Variants in CCDC57 observed in about 807,000 individuals in gnomAD.
CCDC57 encodes the protein coiled-coil domain-containing protein 57.
In CCDC57, 118 loss-of-function variants were observed where a neutral mutation model predicts 118.9. The ratio of observed to expected loss-of-function variants is 0.99; its 90% confidence interval spans 0.86 to 1.16. CCDC57 has a LOEUF of 1.16. Ranked by LOEUF, CCDC57 falls within the 50% of genes most tolerant of loss-of-function variation. The pLI is 0.00. For missense variants in CCDC57, 1,300 were observed against 1,320.7 expected (o/e 0.98, Z 0.24); for synonymous variants, 527 against 532.9 (o/e 0.99, Z 0.15).
Position 82,109,814 on chromosome 17 carries a change from G to A in CCDC57, c.2900-7948C>T, listed in dbSNP as rs1025758291. ...GGAGCTTGCAGTGAGCTGAGATCGC[G>A]CCACCGCACTCCAGCCTGGGCGACA... On this transcript the variant is annotated intron_variant, in intron 19 of 19. Transcript: ENST00000665763. Among the ~76,000 whole-genome samples the A allele has an allele frequency of 2.6e-5, 4 of 151,358 alleles. No homozygotes were observed. The South Asian group carries it at 6.3e-4, about 24-fold the overall frequency.
intron 11 of CCDC57, among the ~76,000 whole-genome samples, chr17:82,177,861 A>T (rs549013086): frequency 6.6e-6 from 1 of 152,286 alleles, no homozygotes; most frequent in Non-Finnish European, 1.5e-5. Flanking sequence ...GCCCACAGAA[A>T]AAAGCCAACT....
At chr17:82,198,490 G>T in intron 3 of CCDC57, 68 bp from the exon 3 acceptor site, 1 of 1,107,218 alleles carries the variant, frequency 9.0e-7, no homozygotes, top group Non-Finnish European at 1.3e-6. Context: ...CATTTTCAAG[G>T]TGCACTTGAC....
At chr17:82,121,188 C>G (rs2036630412) in intron 19 of CCDC57, among the ~76,000 whole-genome samples, 1 of 152,072 alleles carries the variant, frequency 6.6e-6, no homozygotes, top group African/African-American at 2.4e-5. Flanking sequence ...GAGTTCTAGC[C>G]CAGTCTGTGC....
At chr17:82,209,433 A>G (rs999943500) in intron 1 of CCDC57, among the ~76,000 whole-genome samples, 1 of 152,198 alleles carries the variant, frequency 6.6e-6, no homozygotes, top group African/African-American at 2.4e-5. Context: ...AAACAGGTGA[A>G]CCTAACTTGA....
intron 19 of CCDC57, chr17:82,106,121 AG>A (rs2034828490): frequency 2.0e-5 from 3 of 152,446 alleles, no homozygotes; most frequent in Admixed American, 1.3e-4. Context: ...TGTCTGCTAC[AG>A]CCTGTCAGTG....
chr17:82,169,689 C>T (rs1042906989), intron 13 of CCDC57, among the ~76,000 whole-genome samples: 2 of 152,118 alleles, frequency 1.3e-5, no homozygotes, highest in Admixed American at 6.5e-5. Context: ...ATTGGTTACA[C>T]CAAGAGGACT....
chr17:82,103,414 A>C (rs928203652), intron 19 of CCDC57, among the ~76,000 whole-genome samples: 3 of 152,110 alleles, frequency 2.0e-5, no homozygotes, highest in South Asian at 2.1e-4. Flanking sequence ...ACCACCCTTT[A>C]TCTCTCAACA....
chr17:82,189,758 CAGG>C (rs1322585513), intron 7 of CCDC57, among the ~76,000 whole-genome samples: 10 of 152,282 alleles, frequency 6.6e-5, no homozygotes, highest in African/African-American at 2.2e-4. Flanking sequence ...GAGGCTGAGG[CAGG>C]AGAATTGCTC....
chr17:82,162,258 G>A (rs975933297), intron 14 of CCDC57, among the ~76,000 whole-genome samples: 7 of 152,040 alleles, frequency 4.6e-5, no homozygotes, highest in Non-Finnish European at 7.4e-5. Context: ...CGCCCACCTC[G>A]GCCTCCCAAA....
intron 14 of CCDC57, among the ~76,000 whole-genome samples, chr17:82,159,254 C>CCG (rs2043031001): frequency 6.6e-6 from 1 of 152,260 alleles, no homozygotes; most frequent in East Asian, 1.9e-4. Context: ...CTGCCTCAGA[C>CCG]TCCCAAAGTG....
chr17:82,185,618 CA>C (rs796316787), intron 8 of CCDC57, among the ~76,000 whole-genome samples: 151 of 136,772 alleles, frequency 1.1e-3, no homozygotes, highest in Admixed American at 1.2e-3. Flanking sequence ...GACCTTGTCA[CA>C]AAAAAAAAAA....
chr17:82,183,538 C>T (rs997109138), intron 9 of CCDC57, among the ~76,000 whole-genome samples: 3 of 152,118 alleles, frequency 2.0e-5, no homozygotes, highest in East Asian at 1.9e-4. Context: ...GCTCTTATTA[C>T]AGACTGAGAA....
chr17:82,201,967 A>T lies in CCDC57; in HGVS notation c.-8-15T>A, dbSNP rs143081099. ...CATGGTGGCCGCTGCAGTAAAGAGAAATCAGGTTCAGGGTGCACCGTGAGG... is the reference window on the plus strand; with the variant it reads ...CATGGTGGCCGCTGCAGTAAAGAGATATCAGGTTCAGGGTGCACCGTGAGG... On this transcript the variant is annotated splice_polypyrimidine_tract_variant and intron_variant, in intron 2 of 19. Transcript: ENST00000665763. 2.6e-6 allele frequency: 4 copies of T among 1,566,790 alleles called. No homozygotes were observed. Among genetic ancestry groups the T allele is most frequent in the Non-Finnish European group, 3.5e-6 (4 of 1,156,250 alleles).
intron 1 of CCDC57, among the ~76,000 whole-genome samples, chr17:82,211,550 A>AT (rs11370590): frequency 0.51 from 73,970 of 145,046 alleles, 19,258 homozygotes; most frequent in East Asian, 0.88. Flanking sequence ...GTTACAGATA[A>AT]TTTTTTTTTT....
intron 15 of CCDC57, among the ~76,000 whole-genome samples, chr17:82,152,920 G>A (rs1192182564): frequency 2.0e-5 from 3 of 152,196 alleles, no homozygotes; most frequent in Admixed American, 6.5e-5. Context: ...ATGACACATC[G>A]AAGGGGAGAG....
At chr17:82,117,630 G>C (rs117610114) in intron 19 of CCDC57, among the ~76,000 whole-genome samples, 5,140 of 152,190 alleles carry the variant, frequency 0.034, 149 homozygotes, top group Non-Finnish European at 0.047. Flanking sequence ...ACTCCAGCCT[G>C]GGCGACGGAG....
chr17:82,117,372 G>A (rs965435067), intron 19 of CCDC57, among the ~76,000 whole-genome samples: 2 of 151,308 alleles, frequency 1.3e-5, no homozygotes, highest in Non-Finnish European at 2.9e-5. Context: ...ATTAGGCCAG[G>A]TGCTCATGCC....
intron 16 of CCDC57, among the ~76,000 whole-genome samples, chr17:82,137,077 G>A (rs993279974): frequency 6.2e-5 from 9 of 145,484 alleles, no homozygotes; most frequent in African/African-American, 2.3e-4. Context: ...GAGTGCAGTG[G>A]TGTGATGTTG....
At chr17:82,140,232 C>A (rs1038386842) in intron 16 of CCDC57, among the ~76,000 whole-genome samples, 5 of 152,000 alleles carry the variant, frequency 3.3e-5, no homozygotes, top group African/African-American at 7.2e-5. Flanking sequence ...ACTACAGATG[C>A]CCGCCACCAC....
Sources: allele counts gnomAD v4.1 joint callset (sites outside exome capture counted in the v4.1 genomes callset), GRCh38; gene constraint gnomAD v4.1.1; transcripts MANE v1.5; gene names NCBI Gene and HGNC (gene_info 2026-07-23, HGNC 2026-07-21).